Variants in MAOA observed in about 807,000 individuals in gnomAD.
The protein encoded by MAOA is monoamine oxidase A, also known as amine oxidase [flavin-containing] A.
A neutral mutation model predicts 42.0 loss-of-function variants in MAOA; 6 were observed. The ratio of observed to expected loss-of-function variants is 0.14; its 90% CI spans 0.08 to 0.28. The LOEUF (loss-of-function observed/expected upper bound fraction) is 0.28, where lower values mean the gene tolerates loss of function less well. Among genes scored for constraint, MAOA ranks in the 10% least tolerant of loss-of-function variants. MAOA has a pLI of 1.00. For synonymous variants in MAOA, 140 were observed against 154.0 expected (o/e 0.91, Z 0.67); for missense variants, 262 against 422.3 (o/e 0.62, Z 3.33).
At chrX:43,740,815 T>C in intron 11 of MAOA, 77 bp downstream of exon 11, 1 of 930,864 alleles carries the variant, frequency 1.1e-6, no homozygotes, top group Admixed American at 2.6e-5. Flanking sequence ...CATATTCTGA[T>C]TTTTTGACAG....
At chrX:43,667,239 C>T (rs1361587759) in intron 1 of MAOA, among the ~76,000 whole-genome samples, 1 of 111,674 alleles carries the variant, frequency 9.0e-6, no homozygotes, top group East Asian at 2.8e-4. Context: ...TCTCCCCTTA[C>T]TCTGCTTTAT....
Position 43,705,949 on chromosome X carries a change from G to A in MAOA, c.307-5923G>A, listed in dbSNP as rs2033656166. 2.7e-5 allele frequency among the ~76,000 whole-genome samples: 3 copies of A among 112,239 alleles called. No homozygotes were observed. In the Admixed American group the frequency reaches 2.8e-4, roughly 11 times the overall value. On this transcript the variant is annotated intron_variant, in intron 3 of 14. Coordinates refer to ENST00000338702, the MANE Select transcript of MAOA (RefSeq NM_000240.4). ...CCAACAGGATGGCTGTAATAAAAAA[G>A]GCAGACATTAATAAGTGTTGTGCAG...
intron 1 of MAOA, among the ~76,000 whole-genome samples, chrX:43,680,937 G>A (rs2033437415): frequency 9.0e-6 from 1 of 111,317 alleles, no homozygotes; most frequent in East Asian, 2.8e-4. Flanking sequence ...TTTTGTGTTT[G>A]TTTAGTATTA....
In MAOA at chrX:43,712,801, G is replaced by A; in HGVS notation, c.503+5G>A. 2.6e-6 allele frequency: 3 copies of A among 1,172,587 alleles called. No homozygotes were observed. Among genetic ancestry groups the A allele is most frequent in the Non-Finnish European group, 3.5e-6 (3 of 860,180 alleles). ...TGACAAAATCTGCTGGACAAAGTAA[G>A]TAGACTTGACCATTCAAAATTTACT... is the stretch of plus-strand genomic sequence containing the variant. On this transcript the variant is annotated splice_donor_5th_base_variant and intron_variant, in intron 5 of 14. Transcript: ENST00000338702.
Position 43,683,596 on chromosome X carries a change from T to C in MAOA, c.157T>C (p.Tyr53His). ...TCGGGACAGGGTTGGAGGAAGAACA[T>C]ATACTATAAGGGTAAGTGATTTTAA... ...EARDRVGGRT[Y>H]TIRNEHVDYV... The change falls in exon 2 of 15, where the codon TAT becomes CAT. Residue 53 changes from tyrosine (Y) to histidine (H), a missense_variant. Tyr to His is a moderately conservative substitution (Grantham distance 83). Transcript: ENST00000338702. The C allele has an allele frequency of 1.7e-6, 2 of 1,192,492 alleles. No individual in the cohort carries two copies. The highest frequency in any genetic ancestry group is 1.1e-6 in the Non-Finnish European group (1 of 878,322).
chrX:43,660,963 A>G (rs184349432), intron 1 of MAOA, among the ~76,000 whole-genome samples: 1 of 112,219 alleles, frequency 8.9e-6, no homozygotes, highest in East Asian at 2.8e-4. Flanking sequence ...TACTTCCTTC[A>G]TGAGTCTGTT....
Position 43,708,619 on chromosome X carries a change from C to T in MAOA, c.307-3253C>T, listed in dbSNP as rs143387959. On this transcript the variant is annotated intron_variant, in intron 3 of 14. Coordinates refer to ENST00000338702, the MANE Select transcript of MAOA (RefSeq NM_000240.4). ...ACTAATTGATGAAATCCTTTATCAA[C>T]AGCAAAGAAGTTTATGTTATGGGCC... 4.1e-3 allele frequency among the ~76,000 whole-genome samples: 447 copies of T among 109,954 alleles called. 5 individuals are homozygous for T. The highest frequency in any genetic ancestry group is 0.014 in the African/African-American group (421 of 30,181).
chrX:43,733,907 A>C (rs1178945560), intron 9 of MAOA, among the ~76,000 whole-genome samples: 3 of 112,160 alleles, frequency 2.7e-5, no homozygotes, highest in Non-Finnish European at 5.6e-5. Flanking sequence ...TGACTGTTGG[A>C]ATAACACATC....
chrX:43,711,114 C>G (rs746542391), intron 3 of MAOA, among the ~76,000 whole-genome samples: 12 of 111,042 alleles, frequency 1.1e-4, no homozygotes, highest in Non-Finnish European at 1.7e-4. Flanking sequence ...ATAACAGGCT[C>G]ACAGCCAGGC....
intron 4 of MAOA, 149 bp from the exon 5 acceptor site, chrX:43,712,556 C>A: frequency 2.0e-6 from 1 of 492,020 alleles, no homozygotes; most frequent in South Asian, 2.8e-5. Context: ...AACTCTACCC[C>A]ACTCCCTGTC....
chrX:43,661,880 G>A (rs968411731), intron 1 of MAOA, among the ~76,000 whole-genome samples: 10 of 111,587 alleles, frequency 9.0e-5, no homozygotes, highest in African/African-American at 3.3e-4. Context: ...TCTGCTGAAA[G>A]AATTGAGAAC....
In MAOA at chrX:43,744,377, C is replaced by A. The variant is rs752853420; in HGVS notation, c.1448C>A (p.Ala483Glu). ...VQEPESKDVP[A>E]VEITHTFWER... Reference sequence around the variant, plus strand: ...TGTTCCTTCATCTAGGACGTTCCAGCGGTAGAAATCACCCACACCTTCTGG... The same window carrying A: ...TGTTCCTTCATCTAGGACGTTCCAGAGGTAGAAATCACCCACACCTTCTGG... Residue 483 changes from alanine (A) to glutamate (E), a missense_variant, in exon 15 of 15, where the codon GCG (alanine) becomes GAG (glutamate). Ala to Glu is a moderately radical substitution (Grantham distance 107, BLOSUM62 -1). Coordinates refer to ENST00000338702, the MANE Select transcript of MAOA (RefSeq NM_000240.4). The A allele has an allele frequency of 5.3e-5, 64 of 1,208,792 alleles. No individual in the cohort carries two copies. The highest frequency in any genetic ancestry group is 2.6e-4 in the South Asian group (15 of 56,693).
chrX:43,706,264 C>T (rs745645396), intron 3 of MAOA, among the ~76,000 whole-genome samples: 7 of 112,186 alleles, frequency 6.2e-5, no homozygotes, highest in Non-Finnish European at 9.4e-5. Flanking sequence ...GCTATTTGTC[C>T]TCACAATGTG....
intron 2 of MAOA, among the ~76,000 whole-genome samples, chrX:43,688,112 T>C (rs2033502110): frequency 8.9e-6 from 1 of 112,652 alleles, no homozygotes; most frequent in African/African-American, 3.2e-5. Flanking sequence ...CCTATGTCCT[T>C]ACAATGTCCT....
intron 1 of MAOA, among the ~76,000 whole-genome samples, chrX:43,675,205 T>C (rs2033382715): frequency 8.9e-6 from 1 of 111,978 alleles, no homozygotes; most frequent in Non-Finnish European, 1.9e-5. Flanking sequence ...CTTCCATCAC[T>C]GATACCCTTT....
In MAOA at chrX:43,742,106, G is replaced by A. The variant is rs188948772; in HGVS notation, c.1262+59G>A. 2.7e-5 allele frequency: 32 copies of A among 1,198,699 alleles called. No individual in the cohort carries two copies. In the African/African-American group the frequency reaches 5.6e-4, roughly 21 times the overall value. Reference sequence around the variant, plus strand: ...ACCTGTGCCAAATTTAAAAGGAAAAGCAGAGTTCAATGCAAATTCTAGAAA... The same window carrying A: ...ACCTGTGCCAAATTTAAAAGGAAAAACAGAGTTCAATGCAAATTCTAGAAA... On this transcript the variant is annotated intron_variant, in intron 12 of 14. Coordinates refer to ENST00000338702, the MANE Select transcript of MAOA (RefSeq NM_000240.4).
intron 5 of MAOA, among the ~76,000 whole-genome samples, chrX:43,720,597 T>G (rs1001340786): frequency 9.1e-6 from 1 of 110,449 alleles, no homozygotes; most frequent in Non-Finnish European, 1.9e-5. Context: ...ACATGGTATA[T>G]TCAAGGAATT....
chrX:43,693,538 T>C, intron 3 of MAOA, 110 bp downstream of exon 3: 1 of 884,408 alleles, frequency 1.1e-6, no homozygotes, highest in Non-Finnish European at 1.6e-6. Flanking sequence ...AAGTAGGCTC[T>C]TGACTTTGAA....
intron 2 of MAOA, among the ~76,000 whole-genome samples, chrX:43,684,874 C>CTT (rs201207592): frequency 2.2e-4 from 13 of 59,604 alleles, no homozygotes; most frequent in African/African-American, 4.7e-4. Context: ...CTTTTCTTTT[C>CTT]TTTTTTTTTT....
Sources: allele counts gnomAD v4.1 joint callset (sites outside exome capture counted in the v4.1 genomes callset), GRCh38; gene constraint gnomAD v4.1.1; transcripts MANE v1.5; gene names NCBI Gene and HGNC (gene_info 2026-07-23, HGNC 2026-07-21).